The following MARCHF5 variants were observed in gnomAD, a reference collection of about 807,000 sequenced individuals.
MARCHF5 encodes the protein E3 ubiquitin-protein ligase MARCHF5.
MARCHF5 carries 5 observed loss-of-function variants against 36.5 expected under a neutral mutation model. That is an observed-to-expected ratio of 0.14 (90% CI 0.07 to 0.29). The LOEUF is 0.29. Among genes scored for constraint, MARCHF5 ranks in the 10% least tolerant of loss-of-function variants. MARCHF5 has a pLI of 1.00. For synonymous variants in MARCHF5, 103 were observed against 109.9 expected, an observed-to-expected ratio of 0.94 and a Z score of 0.39; for missense variants, 179 against 336.3, an observed-to-expected ratio of 0.53 and a Z score of 3.66.
At chr10:92,341,241 A>G (rs1166189072) in intron 3 of MARCHF5, among the ~76,000 whole-genome samples, 2 of 152,098 alleles carry the variant, frequency 1.3e-5, no homozygotes, top group Non-Finnish European at 2.9e-5. Flanking sequence ...CATCTCTACT[A>G]AAAATACAAA....
At chr10:92,299,930 G>A (rs762197882) in intron 1 of MARCHF5, among the ~76,000 whole-genome samples, 1 of 152,056 alleles carries the variant, frequency 6.6e-6, no homozygotes, top group Non-Finnish European at 1.5e-5. Flanking sequence ...GGGAGGCTGA[G>A]GCAGGAGGAT....
Position 92,349,545 on chromosome 10 carries a change from A to G in MARCHF5, c.553+13A>G. 1 of 1,610,012 alleles carries G rather than the reference A, an allele frequency of 6.2e-7. No individual in the cohort carries two copies. Among genetic ancestry groups the G allele is most frequent in the Non-Finnish European group, 8.5e-7 (1 of 1,177,922 alleles). On this transcript the variant is annotated intron_variant, in intron 4 of 5. Coordinates refer to ENST00000358935, the MANE Select transcript of MARCHF5 (RefSeq NM_017824.5). ...AGTATATTTCCAGGTAAGGCACTGAACTGTGGTTGTAAAGTGCATACCAAA... is the reference window on the plus strand; with the variant it reads ...AGTATATTTCCAGGTAAGGCACTGAGCTGTGGTTGTAAAGTGCATACCAAA...
In MARCHF5 at chr10:92,291,527, C is replaced by G. The variant is rs1338227771; in HGVS notation, c.33C>G (p.Asp11Glu). MPDQALQQML[D>E]RSCWVCFATD... ...ACCAAGCCCTACAGCAGATGCTGGA[C>G]AGGTACGGGCAGCTGTGGGGGGGAC... Residue 11 changes from aspartate (D) to glutamate (E), a missense_variant and splice_region_variant, in exon 1 of 6, where the codon GAC (aspartate) becomes GAG (glutamate). Physicochemically the swap from Asp to Glu is conservative, Grantham distance 45. This residue lies in a region of MARCHF5 where 18 missense variants were observed against 16.3 expected (regional missense o/e 1.11). Coordinates refer to ENST00000358935, the MANE Select transcript of MARCHF5 (RefSeq NM_017824.5). 6.5e-7 allele frequency: 1 copy of G among 1,543,832 alleles called. No individual in the cohort carries two copies. The highest frequency in any genetic ancestry group is 8.7e-7 in the Non-Finnish European group (1 of 1,143,944).
intron 1 of MARCHF5, among the ~76,000 whole-genome samples, chr10:92,291,894 G>C (rs1399575133): frequency 1.3e-5 from 2 of 152,090 alleles, no homozygotes; most frequent in Non-Finnish European, 2.9e-5. Flanking sequence ...CAAGAACCGG[G>C]TTATCTTTCA....
chr10:92,303,458 GTC>G (rs893937278), intron 1 of MARCHF5, among the ~76,000 whole-genome samples: 3 of 151,532 alleles, frequency 2.0e-5, no homozygotes, highest in Admixed American at 6.6e-5. Context: ...CTGTTTCTTG[GTC>G]TCTCATCACA....
chr10:92,333,927 C>A (rs561186767), intron 2 of MARCHF5, among the ~76,000 whole-genome samples: 61 of 152,108 alleles, frequency 4.0e-4, no homozygotes, highest in Non-Finnish European at 6.6e-4. Context: ...CAGTGCCTCA[C>A]GCCTGTAATC....
At chr10:92,325,649 G>A (rs1445440891) in intron 2 of MARCHF5, among the ~76,000 whole-genome samples, 1 of 152,004 alleles carries the variant, frequency 6.6e-6, no homozygotes, top group East Asian at 1.9e-4. Flanking sequence ...TAGTTTTCAA[G>A]TTAAATTTTT....
intron 2 of MARCHF5, among the ~76,000 whole-genome samples, chr10:92,327,434 T>G (rs1481757444): frequency 6.6e-6 from 1 of 152,142 alleles, no homozygotes; most frequent in Non-Finnish European, 1.5e-5. Context: ...TACAGGCTTG[T>G]TTCCAATCTT....
chr10:92,314,654 A>G (rs1008679685), intron 2 of MARCHF5, among the ~76,000 whole-genome samples: 3 of 152,080 alleles, frequency 2.0e-5, no homozygotes, highest in Non-Finnish European at 4.4e-5. Flanking sequence ...AAAAAGAAAA[A>G]AAAAAGTATA....
chr10:92,338,530 C>T (rs1333999370), intron 2 of MARCHF5, among the ~76,000 whole-genome samples: 4 of 152,170 alleles, frequency 2.6e-5, no homozygotes, highest in Non-Finnish European at 4.4e-5. Context: ...CCAGAAGATA[C>T]CTTATCATTG....
intron 2 of MARCHF5, among the ~76,000 whole-genome samples, chr10:92,316,585 C>T (rs965564371): frequency 6.6e-6 from 1 of 152,010 alleles, no homozygotes; most frequent in Non-Finnish European, 1.5e-5. Flanking sequence ...TTTTTAAAGA[C>T]AGTGTTTTGC....
rs186388736 is a variant in MARCHF5, at chr10:92,313,704, A to G, written c.238+2367A>G. ...ATTGCTTGAGACCAGCCTGGGCAAC[A>G]GGGTGAAACTCCATCTCTACCAAAA... On this transcript the variant is annotated intron_variant, in intron 2 of 5. Coordinates refer to ENST00000358935, the MANE Select transcript of MARCHF5 (RefSeq NM_017824.5). Among the ~76,000 whole-genome samples the G allele has an allele frequency of 2.6e-5, 4 of 152,100 alleles. No homozygotes were observed. In the East Asian group the frequency reaches 7.7e-4, roughly 29 times the overall value.
intron 1 of MARCHF5, among the ~76,000 whole-genome samples, chr10:92,305,828 G>C (rs1229756916): frequency 6.6e-6 from 1 of 152,148 alleles, no homozygotes; most frequent in Admixed American, 6.5e-5. Flanking sequence ...TACTCAGGAG[G>C]CGGAGGTGGG....
chr10:92,306,390 A>ATT (rs1225895038), intron 1 of MARCHF5, among the ~76,000 whole-genome samples: 2 of 152,188 alleles, frequency 1.3e-5, no homozygotes, highest in African/African-American at 4.8e-5. Context: ...TGGTTATGGT[A>ATT]TTCACTGCCT....
At chr10:92,302,087 A>G (rs1843021669) in intron 1 of MARCHF5, among the ~76,000 whole-genome samples, 1 of 152,178 alleles carries the variant, frequency 6.6e-6, no homozygotes, top group African/African-American at 2.4e-5. Flanking sequence ...TGCAGTGTAA[A>G]TGCTATGCAA....
intron 2 of MARCHF5, among the ~76,000 whole-genome samples, chr10:92,329,113 A>G (rs1263565513): frequency 6.6e-6 from 1 of 152,116 alleles, no homozygotes; most frequent in African/African-American, 2.4e-5. Flanking sequence ...TAGAAAATTT[A>G]TGTTATCAAT....
At chr10:92,308,861 T>C (rs1843110551) in intron 1 of MARCHF5, among the ~76,000 whole-genome samples, 1 of 151,976 alleles carries the variant, frequency 6.6e-6, no homozygotes, top group African/African-American at 2.4e-5. Context: ...CCCGCCACCA[T>C]GCCCAACTAA....
At chr10:92,316,965 T>A (rs1245224908) in intron 2 of MARCHF5, among the ~76,000 whole-genome samples, 2 of 152,226 alleles carry the variant, frequency 1.3e-5, no homozygotes, top group Non-Finnish European at 2.9e-5. Context: ...TGAAAAAAGT[T>A]TGTTTTATAA....
chr10:92,307,396 A>T (rs989706005), intron 1 of MARCHF5, among the ~76,000 whole-genome samples: 1 of 152,136 alleles, frequency 6.6e-6, no homozygotes, highest in Non-Finnish European at 1.5e-5. Context: ...GATTAAATTT[A>T]AACAACTAGT....
Sources: allele counts gnomAD v4.1 joint callset (sites outside exome capture counted in the v4.1 genomes callset), GRCh38; gene constraint gnomAD v4.1.1; regional missense constraint gnomAD v4.1.1; transcripts MANE v1.5; gene names NCBI Gene and HGNC (gene_info 2026-07-23, HGNC 2026-07-21).